The following CENATAC variants were observed in gnomAD, a reference collection of about 807,000 sequenced individuals.
CENATAC encodes coiled-coil domain containing 84.
CENATAC carries 53 observed loss-of-function variants against 53.7 expected under a neutral mutation model. The observed-to-expected ratio is 0.99, with a 90% confidence interval of 0.79 to 1.24. CENATAC has a LOEUF of 1.24. CENATAC is among the 50% of genes most tolerant of loss of function. The pLI is 0.00. For synonymous variants in CENATAC, 156 were observed against 144.6 expected, an observed-to-expected ratio of 1.08 and a Z score of -0.57; for missense variants, 474 against 417.8, an observed-to-expected ratio of 1.13 and a Z score of -1.17.
chr11:119,011,350 G>C (rs1413172437), intron 5 of CENATAC, 67 bp downstream of exon 5: 2 of 1,426,412 alleles, frequency 1.4e-6, no homozygotes, highest in Non-Finnish European at 9.8e-7. Context: ...CCCAGGTCCA[G>C]CATTTCATGG....
chr11:119,003,410 G>A, intron 3 of CENATAC: 1 of 493,718 alleles, frequency 2.0e-6, no homozygotes. Flanking sequence ...TTGGCTTTAG[G>A]AGGGGCAGGA....
intron 3 of CENATAC, among the ~76,000 whole-genome samples, chr11:119,002,377 T>TG (rs1942351283): frequency 1.3e-5 from 2 of 150,418 alleles, no homozygotes; most frequent in Non-Finnish European, 3.0e-5. Flanking sequence ...CTCACTCTGT[T>TG]GCCCAGGCTG....
intron 3 of CENATAC, among the ~76,000 whole-genome samples, chr11:119,002,224 C>CAAGAAAAAAAAAAAAAAAAAAAAAAAAA: frequency 2.0e-5 from 1 of 49,556 alleles, no homozygotes; most frequent in South Asian, 7.5e-4. Flanking sequence ...AACTCTGTCT[C>CAAGAAAAAAAAAAAAAAAAAAAAAAAAA]AAAAAAAAAA....
chr11:119,015,547 C>A lies in CENATAC; in HGVS notation c.948C>A (p.Phe316Leu). ...NGRRWQSRHQ[F>L]KTEAAAMKKQ... The stretch of plus-strand genomic sequence containing the variant: ...CTTTATTTCCTTTCAGACATCAATT[C>A]AAAACTGAAGCTGCAGCAATGAAGA... Residue 316 changes from phenylalanine (F) to leucine (L), a missense_variant, in exon 11 of 11, where the codon TTC becomes TTA. Transcript: ENST00000334418. 6.2e-7 allele frequency: 1 copy of A among 1,614,096 alleles called. No homozygotes were observed. Among genetic ancestry groups the A allele is most frequent in the Non-Finnish European group, 8.5e-7 (1 of 1,180,020 alleles).
In CENATAC at chr11:119,015,300, T is replaced by C. The variant is rs1342273919; in HGVS notation, c.806-7T>C. Reference sequence around the variant, plus strand: ...AGAAAAATAAAAGTTTCCCTATCATTGTACAGAGGAAAAACAGAAGTTGAA... The same window carrying C: ...AGAAAAATAAAAGTTTCCCTATCATCGTACAGAGGAAAAACAGAAGTTGAA... On this transcript the variant is annotated splice_region_variant and splice_polypyrimidine_tract_variant and intron_variant, in intron 9 of 10. Transcript: ENST00000334418. 2 of 1,605,408 alleles carry C rather than the reference T, an allele frequency of 1.2e-6. No homozygotes were observed. The highest frequency in any genetic ancestry group is 1.7e-6 in the Non-Finnish European group (2 of 1,177,236).
Position 119,010,742 on chromosome 11 carries a change from GT to G in CENATAC, c.384-18del, listed in dbSNP as rs782183881. On this transcript the variant is annotated intron_variant, in intron 3 of 10. Transcript: ENST00000334418. Reference sequence around the variant, plus strand: ...ACTGGTGGGGAATGGGTTCTGGGTGGTTTTGCCCCTTTTCTTTTTAGATTCA... The same window carrying G: ...ACTGGTGGGGAATGGGTTCTGGGTGGTTTGCCCCTTTTCTTTTTAGATTCA... 4.3e-6 allele frequency: 7 copies of G among 1,613,020 alleles called. No homozygotes were observed. The East Asian group carries it at 1.6e-4, about 36-fold the overall frequency.
intron 3 of CENATAC, among the ~76,000 whole-genome samples, chr11:119,002,342 A>AT (rs368309024): frequency 0.013 from 1,773 of 136,400 alleles, 38 homozygotes; most frequent in East Asian, 0.065. Flanking sequence ...TAGAAAAAAG[A>AT]TTTTTTTTTT....
At chr11:119,014,162 GCTT>G (rs1943019919) in intron 8 of CENATAC, 1 of 152,210 alleles carries the variant, frequency 6.6e-6, no homozygotes, top group East Asian at 1.9e-4. Flanking sequence ...CTTCAGAACA[GCTT>G]CACTTGTAGC....
rs782488014 is a variant in CENATAC, at chr11:119,013,257, A to G, written c.710A>G (p.His237Arg). Residue 237 changes from histidine (H) to arginine (R), a missense_variant, in exon 8 of 11, where the codon CAC becomes CGC. Transcript: ENST00000334418. ...HQDIPGVGNI[H>R]SGATPPWMIQ... Reference sequence around the variant, plus strand: ...GATATACCAGGAGTTGGTAACATCCACTCAGGTAAGGTCCAGGGCAGTGTT... The same window carrying G: ...GATATACCAGGAGTTGGTAACATCCGCTCAGGTAAGGTCCAGGGCAGTGTT... 2 of 1,605,252 alleles carry G rather than the reference A, an allele frequency of 1.2e-6. No homozygotes were observed. The highest frequency in any genetic ancestry group is 2.2e-5 in the South Asian group (2 of 90,040).
intron 3 of CENATAC, chr11:119,005,816 A>T (rs2134543173): frequency 6.6e-6 from 1 of 152,266 alleles, no homozygotes; most frequent in African/African-American, 2.4e-5. Context: ...GTTGTGGATT[A>T]TGAGACCCAG....
rs1356470360 is a variant in CENATAC at position 118,998,584 on chromosome 11, A to AT, written c.276dup (p.Leu93SerfsTer20). ...GTGCTGTACGGGGGGCTGCTGGAGC[A>AT]TCTGGCCAGGTGAGAGCCGAGCTAG... On this transcript the variant is annotated frameshift_variant, in exon 2 of 11. Transcript: ENST00000334418. LOFTEE classifies it high-confidence loss of function. The AT allele has an allele frequency of 6.4e-7, 1 of 1,563,534 alleles. No individual in the cohort carries two copies. The highest frequency in any genetic ancestry group is 8.7e-7 in the Non-Finnish European group (1 of 1,153,290).
chr11:119,006,818 G>A (rs982455409), intron 3 of CENATAC, among the ~76,000 whole-genome samples: 2 of 152,184 alleles, frequency 1.3e-5, no homozygotes, highest in African/African-American at 2.4e-5. Context: ...TCATGGGGGC[G>A]TTTTCCCCCA....
intron 3 of CENATAC, among the ~76,000 whole-genome samples, chr11:118,999,767 T>C (rs946447586): frequency 2.0e-5 from 3 of 152,200 alleles, no homozygotes; most frequent in Admixed American, 6.5e-5. Context: ...CTCAGACTCC[T>C]GAGTAGCTGG....
chr11:119,001,482 C>G (rs1275117640), intron 3 of CENATAC: 1 of 394,556 alleles, frequency 2.5e-6, no homozygotes, highest in Non-Finnish European at 5.1e-6. Flanking sequence ...ACCTCTGCCT[C>G]CCGGGTTCAA....
At chr11:119,005,869 A>T (rs2134543366) in intron 3 of CENATAC, 1 of 152,080 alleles carries the variant, frequency 6.6e-6, no homozygotes, top group South Asian at 2.1e-4. Flanking sequence ...ATAGGAAAGA[A>T]ACCTGGCAGT....
At chr11:119,014,451 G>A (rs59095933) in intron 8 of CENATAC, 40,576 of 151,956 alleles carry the variant, frequency 0.27, 5,663 homozygotes, top group African/African-American at 0.33. Flanking sequence ...GCATCGCAGC[G>A]CACGCCTGTA....
In CENATAC at chr11:119,015,651, A is replaced by G. The variant is rs1433763422; in HGVS notation, c.*53A>G. ...CTAAAAGCAAAGTCAACAAACCCCTATTATACCTTCCACCAAATTCTTTAT... is the reference window on the plus strand; with the variant it reads ...CTAAAAGCAAAGTCAACAAACCCCTGTTATACCTTCCACCAAATTCTTTAT... On this transcript the variant is annotated 3_prime_UTR_variant, in exon 11 of 11. Coordinates refer to ENST00000334418, the MANE Select transcript of CENATAC (RefSeq NM_198489.3). 30 of 1,549,080 alleles carry G rather than the reference A, an allele frequency of 1.9e-5. No individual in the cohort carries two copies. The highest frequency in any genetic ancestry group is 2.3e-5 in the Non-Finnish European group (26 of 1,123,630).
chr11:119,015,537 G>T lies in CENATAC; in HGVS notation c.939-1G>T, dbSNP rs782748677. 6.2e-7 allele frequency: 1 copy of T among 1,614,036 alleles called. No homozygotes were observed. Among genetic ancestry groups the T allele is most frequent in the South Asian group, 1.1e-5 (1 of 91,064 alleles). ...CGTGTTAACCCTTTATTTCCTTTCA[G>T]ACATCAATTCAAAACTGAAGCTGCA... On this transcript the variant is annotated splice_acceptor_variant, in intron 10 of 10. Transcript: ENST00000334418. LOFTEE classifies it high-confidence loss of function.
chr11:119,014,561 G>C (rs542710722), intron 8 of CENATAC: 1 of 152,936 alleles, frequency 6.5e-6, no homozygotes, highest in African/African-American at 2.4e-5. Context: ...GGGCTAGAGC[G>C]AGACTCCTCT....
Sources: gnomAD v4.1 joint callset for allele counts (sites outside exome capture counted in the v4.1 genomes callset) on GRCh38, gnomAD v4.1.1 for gene constraint, MANE v1.5 for transcripts, NCBI Gene and HGNC (gene_info 2026-07-23, HGNC 2026-07-21) for gene names.